Variants in CTNND2 observed in about 807,000 individuals in gnomAD.
The protein encoded by CTNND2 is catenin delta-2.
CTNND2 carries 22 observed loss-of-function variants against 144.4 expected under a neutral mutation model. The ratio of observed to expected loss-of-function variants is 0.15; its 90% CI spans 0.11 to 0.22. CTNND2 has a LOEUF of 0.22. Ranked by LOEUF, CTNND2 falls within the 10% of genes least tolerant of loss-of-function variation. The pLI is 1.00. For missense variants in CTNND2, 1,353 were observed against 1,618.8 expected (o/e 0.84, Z 2.82); for synonymous variants, 751 against 695.6 (o/e 1.08, Z -1.25).
At chr5:11,878,388 C>G (rs1479927715) in intron 1 of CTNND2, among the ~76,000 whole-genome samples, 1 of 152,108 alleles carries the variant, frequency 6.6e-6, no homozygotes, top group African/African-American at 2.4e-5. Context: ...TCCCAAGAGA[C>G]AAGGTCAGGC....
chr5:11,874,581 AG>A (rs1356959535), intron 1 of CTNND2, among the ~76,000 whole-genome samples: 1 of 152,200 alleles, frequency 6.6e-6, no homozygotes, highest in Non-Finnish European at 1.5e-5. Flanking sequence ...AAGTGACTAC[AG>A]GGTTGCAGGG....
intron 21 of CTNND2, among the ~76,000 whole-genome samples, chr5:10,979,201 CATA>C (rs1736906888): frequency 6.6e-6 from 1 of 152,244 alleles, no homozygotes; most frequent in African/African-American, 2.4e-5. Flanking sequence ...TCCAGAATTT[CATA>C]ATATTTGCTG....
intron 5 of CTNND2, among the ~76,000 whole-genome samples, chr5:11,401,322 A>G (rs2149822289): frequency 6.6e-6 from 1 of 152,344 alleles, no homozygotes; most frequent in South Asian, 2.1e-4. Context: ...AATTGCTAAT[A>G]TTTGCCTGCG....
intron 3 of CTNND2, among the ~76,000 whole-genome samples, chr5:11,470,143 T>C (rs556936754): frequency 1.3e-5 from 2 of 152,212 alleles, no homozygotes; most frequent in African/African-American, 4.8e-5. Context: ...TATAGAAAAA[T>C]TGAGAACATA....
intron 18 of CTNND2, among the ~76,000 whole-genome samples, chr5:11,001,321 G>A (rs987133919): frequency 3.3e-5 from 5 of 152,172 alleles, no homozygotes; most frequent in African/African-American, 1.2e-4. Flanking sequence ...TTTGGGGGGA[G>A]TTTTCAGTAA....
intron 12 of CTNND2, among the ~76,000 whole-genome samples, chr5:11,137,610 G>A (rs1756292981): frequency 6.6e-6 from 1 of 152,192 alleles, no homozygotes; most frequent in South Asian, 2.1e-4. Flanking sequence ...TTGGGTGTAG[G>A]GAGGAAGAAT....
At chr5:11,297,987 C>A (rs1241997820) in intron 9 of CTNND2, among the ~76,000 whole-genome samples, 1 of 152,118 alleles carries the variant, frequency 6.6e-6, no homozygotes, top group East Asian at 1.9e-4. Flanking sequence ...GAGCACAGCC[C>A]TGAAATGTCC....
At chr5:11,238,464 G>A (rs903824779) in intron 9 of CTNND2, among the ~76,000 whole-genome samples, 6 of 152,190 alleles carry the variant, frequency 3.9e-5, no homozygotes, top group Non-Finnish European at 8.8e-5. Flanking sequence ...GGTTAAAAGT[G>A]TCCTCAAAGA....
At chr5:11,122,600 C>A (rs564465056) in intron 12 of CTNND2, among the ~76,000 whole-genome samples, 1 of 152,142 alleles carries the variant, frequency 6.6e-6, no homozygotes, top group East Asian at 1.9e-4. Context: ...GGTGGCCCAG[C>A]CCTTCACATC....
In CTNND2 at chr5:11,151,289, G is replaced by A. The variant is rs186875322; in HGVS notation, c.2159+8287C>T. On this transcript the variant is annotated intron_variant, in intron 12 of 21. Transcript: ENST00000304623. Reference sequence around the variant, plus strand: ...ATAGATTTGTTTGCTTCTCCTCCAGGGAAGTTACTTCTTATGCAATGTAAT... The same window carrying A: ...ATAGATTTGTTTGCTTCTCCTCCAGAGAAGTTACTTCTTATGCAATGTAAT... Among the ~76,000 whole-genome samples the A allele has an allele frequency of 4.6e-5, 7 of 152,232 alleles. No individual in the cohort carries two copies. In the East Asian group the frequency reaches 1.2e-3, roughly 25 times the overall value.
intron 1 of CTNND2, among the ~76,000 whole-genome samples, chr5:11,860,750 C>T (rs1795463088): frequency 1.3e-5 from 2 of 152,246 alleles, no homozygotes; most frequent in South Asian, 4.1e-4. Context: ...ACAGTTGTAG[C>T]ATTTAAATAC....
chr5:11,654,316 CT>C (rs1276788572), intron 2 of CTNND2, among the ~76,000 whole-genome samples: 3 of 152,030 alleles, frequency 2.0e-5, no homozygotes, highest in Non-Finnish European at 4.4e-5. Flanking sequence ...CTGTAGATCA[CT>C]TTGGGTAGTG....
In CTNND2 at chr5:11,226,373, C is replaced by T. The variant is rs145655194; in HGVS notation, c.1761+10318G>A. Among the ~76,000 whole-genome samples, 160 of 152,334 alleles carry T rather than the reference C, an allele frequency of 1.1e-3. 1 individual carries two copies. Among genetic ancestry groups the T allele is most frequent in the Middle Eastern group, 3.4e-3 (1 of 294 alleles). The stretch of plus-strand genomic sequence containing the variant: ...CCACCCGCTTTACTGTGTTGTATTT[C>T]CTCCATAGCCCACATCACCATCTCA... On this transcript the variant is annotated intron_variant, in intron 10 of 21. Coordinates refer to ENST00000304623, the MANE Select transcript of CTNND2 (RefSeq NM_001332.4).
intron 2 of CTNND2, among the ~76,000 whole-genome samples, chr5:11,579,174 A>G (rs1175208813): frequency 1.3e-5 from 2 of 151,018 alleles, no homozygotes; most frequent in Non-Finnish European, 1.5e-5. Context: ...TAACTTTTTA[A>G]AATTCCTCTG....
intron 16 of CTNND2, among the ~76,000 whole-genome samples, chr5:11,080,443 A>C (rs1749427713): frequency 6.6e-6 from 1 of 152,242 alleles, no homozygotes; most frequent in South Asian, 2.1e-4. Flanking sequence ...ATATAGAATT[A>C]CTATATGATC....
At chr5:11,468,912 G>A (rs1766910653) in intron 3 of CTNND2, among the ~76,000 whole-genome samples, 1 of 152,132 alleles carries the variant, frequency 6.6e-6, no homozygotes, top group African/African-American at 2.4e-5. Context: ...AGTCACATTT[G>A]CCTGTGCTGT....
intron 6 of CTNND2, among the ~76,000 whole-genome samples, chr5:11,396,754 T>C (rs1760177036): frequency 6.6e-6 from 1 of 152,212 alleles, no homozygotes. Context: ...AGATGGACAC[T>C]GACATAGTCA....
intron 3 of CTNND2, among the ~76,000 whole-genome samples, chr5:11,483,342 C>G (rs1768466414): frequency 6.6e-6 from 1 of 152,160 alleles, no homozygotes; most frequent in Admixed American, 6.6e-5. Context: ...TGAAAGTTCA[C>G]TCTTGGCTAT....
At chr5:11,226,196 C>T (rs907444492) in intron 10 of CTNND2, among the ~76,000 whole-genome samples, 2 of 152,166 alleles carry the variant, frequency 1.3e-5, no homozygotes, top group African/African-American at 4.8e-5. Flanking sequence ...TGGAAGCAAG[C>T]ACAAATGAGC....
Sources: gnomAD v4.1 joint callset for allele counts (sites outside exome capture counted in the v4.1 genomes callset) on GRCh38, gnomAD v4.1.1 for gene constraint, MANE v1.5 for transcripts, NCBI Gene and HGNC (gene_info 2026-07-23, HGNC 2026-07-21) for gene names.